Variants in TECRL observed in about 807,000 individuals in gnomAD.
TECRL encodes the protein trans-2,3-enoyl-CoA reductase-like.
TECRL carries 63 observed loss-of-function variants against 52.8 expected under a neutral mutation model. The observed-to-expected ratio is 1.19, with a 90% CI of 0.97 to 1.47. The LOEUF is 1.47. TECRL is among the 40% of genes most tolerant of loss of function. The probability of loss-of-function intolerance (pLI) is 0.00; values close to 1 mark genes in which losing one functional copy is unlikely to be tolerated. For missense variants in TECRL, 482 were observed against 429.6 expected (o/e 1.12, Z -1.08); for synonymous variants, 164 against 141.9 (o/e 1.16, Z -1.10).
At chr4:64,316,631 CA>C (rs1717511603) in intron 4 of TECRL, among the ~76,000 whole-genome samples, 1 of 151,976 alleles carries the variant, frequency 6.6e-6, no homozygotes. Flanking sequence ...GGAAATAAAA[CA>C]AAATCAAAAC....
chr4:64,389,654 ATGAT>A (rs975334931), intron 1 of TECRL, among the ~76,000 whole-genome samples: 7 of 151,906 alleles, frequency 4.6e-5, no homozygotes, highest in Admixed American at 3.3e-4. Context: ...ATTGTACAAA[ATGAT>A]TGTAGAGAAT....
chr4:64,361,189 A>G (rs1049874647), intron 2 of TECRL, among the ~76,000 whole-genome samples: 3 of 152,096 alleles, frequency 2.0e-5, no homozygotes, highest in African/African-American at 7.2e-5. Flanking sequence ...ACTATCCACC[A>G]GAGTGCTTTT....
chr4:64,285,843 A>G (rs1337569986), intron 9 of TECRL, among the ~76,000 whole-genome samples: 1 of 152,104 alleles, frequency 6.6e-6, no homozygotes, highest in Non-Finnish European at 1.5e-5. Context: ...GGAAGGCATC[A>G]TGTGGAAGCT....
At chr4:64,346,162 G>T in intron 2 of TECRL, among the ~76,000 whole-genome samples, 1 of 152,020 alleles carries the variant, frequency 6.6e-6, no homozygotes, top group East Asian at 1.9e-4. Context: ...ATACTTTCTT[G>T]CTACGAAATA....
intron 8 of TECRL, among the ~76,000 whole-genome samples, chr4:64,295,297 ATATTT>A (rs1723617088): frequency 1.3e-5 from 2 of 151,350 alleles, no homozygotes; most frequent in South Asian, 4.2e-4. Context: ...ATATGTATTA[ATATTT>A]TAATATATTT....
chr4:64,371,666 G>A (rs1721979311), intron 2 of TECRL, among the ~76,000 whole-genome samples: 1 of 151,308 alleles, frequency 6.6e-6, no homozygotes, highest in Admixed American at 6.6e-5. Context: ...ACTTTTCTTT[G>A]CAGGCAGAAA....
intron 1 of TECRL, among the ~76,000 whole-genome samples, chr4:64,386,809 TGAAGA>T (rs1177673542): frequency 6.6e-6 from 1 of 152,180 alleles, no homozygotes; most frequent in African/African-American, 2.4e-5. Context: ...ACAGCAATGT[TGAAGA>T]GAAGGACCAG....
At chr4:64,345,705 A>C (rs953662506) in intron 2 of TECRL, among the ~76,000 whole-genome samples, 3 of 149,458 alleles carry the variant, frequency 2.0e-5, no homozygotes, top group African/African-American at 7.6e-5. Context: ...TATAATAATA[A>C]AAAAAAAGAA....
chr4:64,296,104 C>T (rs1380615333), intron 8 of TECRL, among the ~76,000 whole-genome samples: 1 of 151,918 alleles, frequency 6.6e-6, no homozygotes, highest in Non-Finnish European at 1.5e-5. Flanking sequence ...GAAAATTTGT[C>T]ATAACCAAAT....
intron 1 of TECRL, among the ~76,000 whole-genome samples, chr4:64,402,559 C>G (rs981878180): frequency 1.3e-5 from 2 of 151,996 alleles, no homozygotes; most frequent in South Asian, 2.1e-4. Context: ...GTTGTCATCT[C>G]TTTTGGACAA....
chr4:64,345,155 C>G (rs1181427197), intron 2 of TECRL, among the ~76,000 whole-genome samples: 2 of 152,072 alleles, frequency 1.3e-5, no homozygotes, highest in Non-Finnish European at 2.9e-5. Context: ...GTGGCAATTC[C>G]TCAGGGATCT....
chr4:64,294,855 T>C (rs1278412450), intron 8 of TECRL, among the ~76,000 whole-genome samples: 1 of 152,036 alleles, frequency 6.6e-6, no homozygotes, highest in Non-Finnish European at 1.5e-5. Flanking sequence ...AAATATATTA[T>C]TACAAAGTTT....
chr4:64,322,055 T>C (rs758465704), intron 4 of TECRL, among the ~76,000 whole-genome samples: 1 of 152,150 alleles, frequency 6.6e-6, no homozygotes, highest in Non-Finnish European at 1.5e-5. Flanking sequence ...ATGTAGAAAT[T>C]GACCCCTATT....
chr4:64,328,472 T>A (rs537609280), intron 3 of TECRL, 40 bp downstream of exon 3: 1 of 1,564,192 alleles, frequency 6.4e-7, no homozygotes, highest in African/African-American at 1.4e-5. Flanking sequence ...GAAAAGGGAT[T>A]ATAAATTAAA....
At chr4:64,376,339 G>A (rs1722395261) in intron 1 of TECRL, among the ~76,000 whole-genome samples, 1 of 151,748 alleles carries the variant, frequency 6.6e-6, no homozygotes, top group South Asian at 2.1e-4. Flanking sequence ...ATTTCAATTT[G>A]TGTTATGCTA....
At chr4:64,312,824 CT>C (rs1325202833) in intron 5 of TECRL, among the ~76,000 whole-genome samples, 5 of 150,946 alleles carry the variant, frequency 3.3e-5, no homozygotes, top group Middle Eastern at 6.8e-3. Context: ...CTAAAGAAAA[CT>C]TTTTTCATGC....
At chr4:64,362,813 A>C (rs1316379615) in intron 2 of TECRL, among the ~76,000 whole-genome samples, 1 of 152,154 alleles carries the variant, frequency 6.6e-6, no homozygotes, top group Non-Finnish European at 1.5e-5. Context: ...CAACCAGTTA[A>C]CAACATGAAG....
In TECRL at chr4:64,295,250, G is replaced by A. The variant is rs192863399; in HGVS notation, c.774+4724C>T. Among the ~76,000 whole-genome samples the A allele has an allele frequency of 2.0e-3, 302 of 151,258 alleles. 3 individuals carry two copies. Among genetic ancestry groups the A allele is most frequent in the South Asian group, 9.2e-3 (44 of 4,782 alleles). On this transcript the variant is annotated intron_variant, in intron 8 of 11. Coordinates refer to ENST00000381210, the MANE Select transcript of TECRL (RefSeq NM_001010874.5). ...AATAATGGTAAGACTCTAAATAAAA[G>A]TTCAGATATTGCATTTATATTATTA...
At chr4:64,389,682 T>C (rs933891911) in intron 1 of TECRL, among the ~76,000 whole-genome samples, 1 of 151,894 alleles carries the variant, frequency 6.6e-6, no homozygotes, top group Non-Finnish European at 1.5e-5. Context: ...TGTGATTTCT[T>C]CCTTAAATAT....
Sources: gnomAD v4.1 joint callset for allele counts (sites outside exome capture counted in the v4.1 genomes callset) on GRCh38, gnomAD v4.1.1 for gene constraint, MANE v1.5 for transcripts, NCBI Gene and HGNC (gene_info 2026-07-23, HGNC 2026-07-21) for gene names.